Variants in BSCL2 observed in about 807,000 individuals in gnomAD.
BSCL2 encodes seipin.
A neutral mutation model predicts 57.4 loss-of-function variants in BSCL2; 41 were observed. The observed-to-expected ratio is 0.71, with a 90% CI of 0.56 to 0.93. BSCL2 has a LOEUF of 0.93. BSCL2 is among the 40% of genes least tolerant of loss of function. BSCL2 has a pLI of 0.00. For missense variants in BSCL2, 539 were observed against 586.7 expected, an observed-to-expected ratio of 0.92 and a Z score of 0.84; for synonymous variants, 237 against 227.3, an observed-to-expected ratio of 1.04 and a Z score of -0.38.
At chr11:62,704,659 C>T (rs191403320) in intron 2 of BSCL2, among the ~76,000 whole-genome samples, 32 of 151,790 alleles carry the variant, frequency 2.1e-4, no homozygotes, top group Middle Eastern at 3.4e-3. Context: ...GGCTGAGGCA[C>T]GAGAATTGCT....
In BSCL2 at chr11:62,692,430, C is replaced by A. The variant is rs763884653; in HGVS notation, c.809G>T (p.Arg270Leu). The A allele has an allele frequency of 6.2e-7, 1 of 1,614,132 alleles. No homozygotes were observed. ...TGAIIEIHSKRIQLYGAYLRI... is the reference protein window; with the variant it reads ...TGAIIEIHSKLIQLYGAYLRI... ...GAGGTAGGCTCCATACAGCTGGATG[C>A]GCTTGCTGTGGATCTCAATGATCGC... Residue 270 changes from arginine to leucine, a missense_variant, in exon 6 of 11, where the codon CGC becomes CTC. By Grantham distance (102) the Arg-to-Leu change is moderately radical. Around this residue, in one of 3 missense-constraint regions of BSCL2, gnomAD observed 73 missense variants for 122.0 expected, o/e 0.60. Coordinates refer to ENST00000360796, the MANE Select transcript of BSCL2 (RefSeq NM_001122955.4).
chr11:62,697,793 C>G (rs1030853309), intron 3 of BSCL2, among the ~76,000 whole-genome samples: 1 of 105,658 alleles, frequency 9.5e-6, no homozygotes, highest in African/African-American at 3.5e-5. Flanking sequence ...GACTCTGTAT[C>G]AAAAAAAAAA....
intron 3 of BSCL2, among the ~76,000 whole-genome samples, chr11:62,702,103 G>C (rs768706785): frequency 6.9e-6 from 1 of 145,920 alleles, no homozygotes; most frequent in Non-Finnish European, 1.5e-5. Context: ...CTTCATTCTT[G>C]TTGCCCAGGC....
At chr11:62,708,309 C>G (rs764612582), upstream of BSCL2, 6 of 1,611,056 alleles carry the variant, frequency 3.7e-6, no homozygotes, top group Non-Finnish European at 5.1e-6. Flanking sequence ...AAAGGTGAGA[C>G]CCCGGTGAAC....
intron 3 of BSCL2, among the ~76,000 whole-genome samples, chr11:62,698,437 A>T (rs1418606746): frequency 1.3e-5 from 2 of 151,518 alleles, no homozygotes; most frequent in Non-Finnish European, 2.9e-5. Flanking sequence ...ACCTCAGGTG[A>T]TCCACCCGCC....
intron 4 of BSCL2, among the ~76,000 whole-genome samples, 161 bp downstream of exon 4, chr11:62,694,407 G>T (rs564013488): frequency 1.3e-5 from 2 of 151,752 alleles, no homozygotes; most frequent in African/African-American, 4.8e-5. Context: ...GTTTCGCCAT[G>T]TTGCCCAGGC....
At chr11:62,698,945 C>T (rs781378270) in intron 3 of BSCL2, among the ~76,000 whole-genome samples, 29 of 151,864 alleles carry the variant, frequency 1.9e-4, no homozygotes, top group African/African-American at 9.7e-5. Flanking sequence ...CTTGCTCTGT[C>T]GCCAGGCTGG....
chr11:62,690,268 CAAGG>C (rs1945269687), downstream of BSCL2: 1 of 1,558,666 alleles, frequency 6.4e-7, no homozygotes, highest in Non-Finnish European at 8.8e-7. Flanking sequence ...ATTTCAGAGT[CAAGG>C]AAGAAGCTGA....
chr11:62,700,513 C>T (rs1048974892), intron 3 of BSCL2, among the ~76,000 whole-genome samples: 4 of 152,132 alleles, frequency 2.6e-5, no homozygotes, highest in East Asian at 1.9e-4. Flanking sequence ...TGGTGGCATA[C>T]GCCTGTAACC....
intron 2 of BSCL2, among the ~76,000 whole-genome samples, chr11:62,704,121 T>A (rs1272500164): frequency 1.2e-4 from 16 of 136,378 alleles, no homozygotes; most frequent in African/African-American, 4.4e-4. Context: ...CGAGACTCTG[T>A]CTCAAAAAGA....
At position 62,694,860 on chromosome 11, in the gene BSCL2, C is replaced by G. The variant is rs1565146200; in HGVS notation, c.487-149G>C. 1.0e-5 allele frequency: 10 copies of G among 963,340 alleles called. No homozygotes were observed. In the East Asian group the frequency reaches 2.4e-4, roughly 23 times the overall value. 59.7% of individuals were successfully genotyped at this position (963,340 alleles called of 1,614,324 possible). ...CCTAACGGGCCTTTCAATCTGTCATCCCAAGAAGGTGCTGCCCCCTTCTGG... is the reference window on the plus strand; with the variant it reads ...CCTAACGGGCCTTTCAATCTGTCATGCCAAGAAGGTGCTGCCCCCTTCTGG... On this transcript the variant is annotated intron_variant, in intron 3 of 10. Coordinates refer to ENST00000360796, the MANE Select transcript of BSCL2 (RefSeq NM_001122955.4).
At chr11:62,691,777 G>A (rs946196162) in intron 6 of BSCL2, among the ~76,000 whole-genome samples, 1 of 152,162 alleles carries the variant, frequency 6.6e-6, no homozygotes, top group Non-Finnish European at 1.5e-5. Context: ...CAGGCCGGAC[G>A]CGGTGGCTCA....
At chr11:62,695,648 T>A (rs971877118) in intron 3 of BSCL2, among the ~76,000 whole-genome samples, 4 of 142,908 alleles carry the variant, frequency 2.8e-5, no homozygotes, top group African/African-American at 5.2e-5. Context: ...GAGGCGGAGA[T>A]TGCAGTGAGC....
At chr11:62,706,634 C>T (rs1467424706) in intron 1 of BSCL2, 5 of 472,926 alleles carry the variant, frequency 1.1e-5, no homozygotes, top group African/African-American at 2.0e-5. Context: ...GCCATTTCAC[C>T]CGCGAAGCGG....
chr11:62,690,318 A>C lies in BSCL2; in HGVS notation c.*49T>G, dbSNP rs368144792. On this transcript the variant is annotated 3_prime_UTR_variant, in exon 11 of 11. Transcript: ENST00000360796. Reference sequence around the variant, plus strand: ...TTTATTGAAGGAAAAACGAGGGGAGAGGAGTCAGGTGGGAAAGTGCTGGAA... The same window carrying C: ...TTTATTGAAGGAAAAACGAGGGGAGCGGAGTCAGGTGGGAAAGTGCTGGAA... 200 of 1,612,178 alleles carry C rather than the reference A, an allele frequency of 1.2e-4. No homozygotes were observed. The highest frequency in any genetic ancestry group is 1.5e-4 in the Non-Finnish European group (179 of 1,179,364).
rs144245125 is a variant in BSCL2 at position 62,690,840 on chromosome 11, G to A, written c.1100C>T (p.Pro367Leu). Residue 367 changes from proline to leucine, a missense_variant, in exon 9 of 11, where the codon CCG becomes CTG. This residue lies in a region of BSCL2 where 248 missense variants were observed against 239.9 expected (regional missense o/e 1.03). Coordinates refer to ENST00000360796, the MANE Select transcript of BSCL2 (RefSeq NM_001122955.4). ...ACCATCCTCTGTAACATCTGATTGC[G>A]GAGTTGACTCCTCCTGGCCTTCAGG... ...PGPEGQEEST[P>L]QSDVTEDGES... is the part of the protein sequence containing the mutation. 6.7e-4 allele frequency: 1,084 copies of A among 1,613,522 alleles called. No homozygotes were observed. Among genetic ancestry groups the A allele is most frequent in the Non-Finnish European group, 8.1e-4 (957 of 1,180,024 alleles).
chr11:62,703,593 C>T lies in BSCL2; in HGVS notation c.405-1044G>A, dbSNP rs960509043. ...GTCTCAATCTCCTGACCTTGTGATC[C>T]GCCTGCCTCGGCCTCCCAAAGTGCT... is the stretch of plus-strand genomic sequence containing the variant. On this transcript the variant is annotated intron_variant, in intron 2 of 10. Transcript: ENST00000360796. Among the ~76,000 whole-genome samples, 64 of 151,030 alleles carry T rather than the reference C, an allele frequency of 4.2e-4. 1 individual carries two copies. The highest frequency in any genetic ancestry group is 1.3e-3 in the African/African-American group (54 of 41,162).
chr11:62,704,248 A>T (rs1590883895), intron 2 of BSCL2, among the ~76,000 whole-genome samples: 1 of 151,462 alleles, frequency 6.6e-6, no homozygotes, highest in Admixed American at 6.6e-5. Flanking sequence ...GGAGTTCAAG[A>T]CCAGCCTAGC....
chr11:62,702,409 T>C (rs761979025), intron 3 of BSCL2, 59 bp downstream of exon 3: 18 of 1,475,060 alleles, frequency 1.2e-5, no homozygotes, highest in Non-Finnish European at 1.5e-5. Context: ...CTTTCTCAAG[T>C]CTTCCTATTT....
Sources: allele counts gnomAD v4.1 joint callset (sites outside exome capture counted in the v4.1 genomes callset), GRCh38; gene constraint gnomAD v4.1.1; regional missense constraint gnomAD v4.1.1; transcripts MANE v1.5; gene names NCBI Gene and HGNC (gene_info 2026-07-23, HGNC 2026-07-21).